TMC5: variants seen among roughly 807,000 people sequenced by gnomAD.
The protein encoded by TMC5 is transmembrane channel like 5, also known as transmembrane channel-like protein 5.
A neutral mutation model predicts 110.5 loss-of-function variants in TMC5; 86 were observed. The ratio of observed to expected loss-of-function variants is 0.78; its 90% CI spans 0.65 to 0.93. The LOEUF is 0.93. Ranked by LOEUF, TMC5 falls within the 40% of genes least tolerant of loss-of-function variation. The probability of loss-of-function intolerance (pLI) is 0.00; values close to 1 mark genes in which losing one functional copy is unlikely to be tolerated. For missense variants in TMC5, 1,144 were observed against 1,222.8 expected (o/e 0.94, Z 0.96); for synonymous variants, 455 against 439.5 (o/e 1.04, Z -0.44).
At chr16:19,464,436 A>G (rs139106260) in intron 8 of TMC5, among the ~76,000 whole-genome samples, 5 of 152,276 alleles carry the variant, frequency 3.3e-5, no homozygotes, top group Admixed American at 3.3e-4. Flanking sequence ...TCATCAATCA[A>G]TCAATCAATA....
intron 1 of TMC5, among the ~76,000 whole-genome samples, chr16:19,419,402 G>GTTTTTTTTTTTTTTTT (rs55696911): frequency 3.0e-5 from 2 of 65,646 alleles, no homozygotes; most frequent in Non-Finnish European, 5.5e-5. Context: ...GAATGTGTTG[G>GTTTTTTTTTTTTTTTT]TTTTTTTTTT....
At chr16:19,490,720 T>G in intron 18 of TMC5, 152 bp downstream of exon 18, 1 of 134,910 alleles carries the variant, frequency 7.4e-6, no homozygotes, top group Non-Finnish European at 2.1e-5. Flanking sequence ...CTTTCCTTCC[T>G]TCCTTCCTTC....
At chr16:19,431,039 T>C (rs1365171703) in intron 2 of TMC5, among the ~76,000 whole-genome samples, 1 of 152,090 alleles carries the variant, frequency 6.6e-6, no homozygotes, top group Admixed American at 6.6e-5. Flanking sequence ...TAAAAATTAT[T>C]TGGTCTGTTT....
At chr16:19,469,219 T>G (rs1215726675) in intron 9 of TMC5, among the ~76,000 whole-genome samples, 2 of 151,892 alleles carry the variant, frequency 1.3e-5, no homozygotes, top group African/African-American at 4.8e-5. Flanking sequence ...CCGGGCGTGG[T>G]GATGGGCACC....
At chr16:19,493,833 G>T (rs1968980316) in intron 19 of TMC5, among the ~76,000 whole-genome samples, 1 of 151,912 alleles carries the variant, frequency 6.6e-6, no homozygotes, top group Non-Finnish European at 1.5e-5. Flanking sequence ...TCTTTTTATT[G>T]TTAAAGAATG....
chr16:19,497,201 T>C (rs778831125), intron 21 of TMC5, 38 bp downstream of exon 21: 3 of 1,591,874 alleles, frequency 1.9e-6, no homozygotes, highest in Non-Finnish European at 2.6e-6. Flanking sequence ...GACACTAATT[T>C]ATTTCTGGTG....
chr16:19,420,135 A>C (rs1204312714), intron 1 of TMC5, among the ~76,000 whole-genome samples: 1 of 152,096 alleles, frequency 6.6e-6, no homozygotes, highest in Non-Finnish European at 1.5e-5. Flanking sequence ...TTAAAAATCA[A>C]CTAATTTTAG....
chr16:19,439,560 C>A (rs1018119558), intron 2 of TMC5, among the ~76,000 whole-genome samples: 2 of 152,174 alleles, frequency 1.3e-5, no homozygotes, highest in Admixed American at 6.5e-5. Context: ...TTAGCTGATA[C>A]AATGGCTGTG....
At chr16:19,470,749 A>T (rs1381896799) in intron 10 of TMC5, among the ~76,000 whole-genome samples, 2 of 109,110 alleles carry the variant, frequency 1.8e-5, no homozygotes, top group Admixed American at 1.0e-4. Context: ...AAAAAAAAAA[A>T]GCAGCTGGGC....
At chr16:19,484,034 A>T (rs2143712664) in intron 15 of TMC5, among the ~76,000 whole-genome samples, 1 of 151,114 alleles carries the variant, frequency 6.6e-6, no homozygotes. Flanking sequence ...GTGAACAGAG[A>T]TCACGCCATT....
chr16:19,466,870 G>A lies in TMC5; in HGVS notation c.1637+637G>A, dbSNP rs144502768. Among the ~76,000 whole-genome samples, 105 of 152,232 alleles carry A rather than the reference G, an allele frequency of 6.9e-4. 1 individual carries two copies. The East Asian group carries it at 9.9e-3, about 14-fold the overall frequency. On this transcript the variant is annotated intron_variant, in intron 9 of 21. Transcript: ENST00000542583. ...GGAAAATACACATATGAAAGGCTGGGCACGGTGCTCATGCCTGTAATCTTA... is the reference window on the plus strand; with the variant it reads ...GGAAAATACACATATGAAAGGCTGGACACGGTGCTCATGCCTGTAATCTTA...
intron 2 of TMC5, among the ~76,000 whole-genome samples, chr16:19,439,284 A>G (rs1358044778): frequency 6.6e-6 from 1 of 152,170 alleles, no homozygotes; most frequent in Non-Finnish European, 1.5e-5. Flanking sequence ...GGTCATAGCA[A>G]TTGTCTACTT....
chr16:19,413,003 CCAG>C (rs1297009657), upstream of TMC5, among the ~76,000 whole-genome samples: 1 of 151,932 alleles, frequency 6.6e-6, no homozygotes, highest in Non-Finnish European at 1.5e-5. Context: ...GCCTCTACAC[CCAG>C]CTGATTTTTT....
At chr16:19,482,852 A>C (rs956001026) in intron 15 of TMC5, among the ~76,000 whole-genome samples, 1 of 146,192 alleles carries the variant, frequency 6.8e-6, no homozygotes, top group Admixed American at 6.6e-5. Flanking sequence ...GTGTTTCCTT[A>C]TTTATTTATT....
At chr16:19,438,180 T>TC (rs1264558111) in intron 2 of TMC5, among the ~76,000 whole-genome samples, 2 of 150,530 alleles carry the variant, frequency 1.3e-5, no homozygotes, top group African/African-American at 4.9e-5. Flanking sequence ...TCACTTGAGC[T>TC]CAGGAGTTCA....
chr16:19,444,219 C>A lies in TMC5; in HGVS notation c.927C>A (p.His309Gln), dbSNP rs1469297572. The stretch of plus-strand genomic sequence containing the variant: ...TGGAGATGGCAAACTCATATGGCCA[C>A]TCTCTGCCAGGTGCTCCTGGAAGTG... ...ASMEMANSYG[H>Q]SLPGAPGSGY... Residue 309 changes from histidine (H) to glutamine (Q), a missense_variant, in exon 4 of 22, where the codon CAC (histidine) becomes CAA (glutamine). Transcript: ENST00000542583. 6 of 1,613,838 alleles carry A rather than the reference C, an allele frequency of 3.7e-6. No individual in the cohort carries two copies. The highest frequency in any genetic ancestry group is 4.2e-6 in the Non-Finnish European group (5 of 1,180,018).
In TMC5 at chr16:19,490,515, T is replaced by C. The variant is rs891123958; in HGVS notation, c.2694T>C (p.Tyr898=). ...RPGYLWVVWI[Y]RNLIGSVHFF... is the part of the protein sequence containing the mutation. ...GCTACCTGTGGGTTGTTTGGATCTA[T>C]CGGAACCTCATTGGAAGTGTGCACT... Residue 898 remains tyrosine (Y), a synonymous_variant, in exon 18 of 22, where the codon TAT becomes TAC. Transcript: ENST00000542583. The C allele has an allele frequency of 6.8e-6, 11 of 1,614,046 alleles. No individual in the cohort carries two copies. The highest frequency in any genetic ancestry group is 2.7e-5 in the African/African-American group (2 of 74,912).
chr16:19,455,653 TAGAA>T (rs947177560), intron 5 of TMC5, among the ~76,000 whole-genome samples: 4 of 152,230 alleles, frequency 2.6e-5, no homozygotes, highest in African/African-American at 2.4e-5. Context: ...ACTGTCCCCT[TAGAA>T]AGAGCATTCC....
Position 19,487,224 on chromosome 16 carries a change from G to T in TMC5, c.2471G>T (p.Ser824Ile). The stretch of plus-strand genomic sequence containing the variant: ...CTGATGATGAATTTCCAGCCTCCGA[G>T]CAAAGCCTGGCGGGCCTCACAGATG... ...ISLMMNFQPP[S>I]KAWRASQMMT... The change falls in exon 17 of 22, where the codon AGC becomes ATC. Residue 824 changes from serine (S) to isoleucine (I), a missense_variant. Transcript: ENST00000542583. 4.3e-6 allele frequency: 7 copies of T among 1,613,834 alleles called. No individual in the cohort carries two copies. The highest frequency in any genetic ancestry group is 5.9e-6 in the Non-Finnish European group (7 of 1,179,916).
Sources: allele counts gnomAD v4.1 joint callset (sites outside exome capture counted in the v4.1 genomes callset), GRCh38; gene constraint gnomAD v4.1.1; transcripts MANE v1.5; gene names NCBI Gene and HGNC (gene_info 2026-07-23, HGNC 2026-07-21).